SYNDIG1: variants seen among roughly 807,000 people sequenced by gnomAD.
SYNDIG1 encodes synapse differentiation inducing 1, also known as synapse differentiation-inducing gene protein 1.
Under a neutral mutation model 19.4 loss-of-function variants are expected in SYNDIG1, and 9 were observed. The ratio of observed to expected loss-of-function variants is 0.46; its 90% CI spans 0.28 to 0.81. SYNDIG1 has a LOEUF of 0.81. Ranked by LOEUF, SYNDIG1 falls within the 30% of genes least tolerant of loss-of-function variation. SYNDIG1 has a pLI of 0.12. For synonymous variants in SYNDIG1, 141 were observed against 145.9 expected (o/e 0.97, Z 0.24); for missense variants, 311 against 343.3 (o/e 0.91, Z 0.74).
intron 2 of SYNDIG1, among the ~76,000 whole-genome samples, chr20:24,568,141 A>G (rs1332812528): frequency 6.6e-6 from 1 of 151,984 alleles, no homozygotes; most frequent in Non-Finnish European, 1.5e-5. Flanking sequence ...AGTCTGTCTC[A>G]AAAAAAACAC....
intron 3 of SYNDIG1, among the ~76,000 whole-genome samples, chr20:24,653,854 T>G (rs775935275): frequency 3.3e-5 from 5 of 152,208 alleles, no homozygotes; most frequent in African/African-American, 4.8e-5. Flanking sequence ...TCCCTCGGTG[T>G]GGTCTGTGTC....
chr20:24,572,672 A>G (rs1177552888), intron 2 of SYNDIG1, among the ~76,000 whole-genome samples: 1 of 152,174 alleles, frequency 6.6e-6, no homozygotes, highest in African/African-American at 2.4e-5. Context: ...TTAAAGGAAG[A>G]GATACAGTTG....
intron 1 of SYNDIG1, among the ~76,000 whole-genome samples, chr20:24,523,155 C>T (rs2057041982): frequency 6.6e-6 from 1 of 152,202 alleles, no homozygotes; most frequent in Non-Finnish European, 1.5e-5. Flanking sequence ...GTCAGGCTTC[C>T]TGGCTGTGAA....
intron 1 of SYNDIG1, among the ~76,000 whole-genome samples, 200 bp downstream of exon 1, chr20:24,469,953 A>G (rs934220057): frequency 6.6e-6 from 1 of 151,110 alleles, no homozygotes; most frequent in Admixed American, 6.6e-5. Flanking sequence ...CCGCGACGAG[A>G]CTTGGGAGAC....
At chr20:24,563,510 G>A (rs2057984096) in intron 2 of SYNDIG1, among the ~76,000 whole-genome samples, 1 of 152,108 alleles carries the variant, frequency 6.6e-6, no homozygotes, top group East Asian at 1.9e-4. Context: ...ATGACCACAT[G>A]CTGCGTGTTG....
chr20:24,611,025 A>G (rs2058839293), intron 3 of SYNDIG1, among the ~76,000 whole-genome samples: 1 of 152,060 alleles, frequency 6.6e-6, no homozygotes, highest in East Asian at 1.9e-4. Flanking sequence ...GATTCTCTCA[A>G]ATCTGCTCCC....
At chr20:24,657,577 T>C (rs1290090072) in intron 3 of SYNDIG1, among the ~76,000 whole-genome samples, 2 of 152,198 alleles carry the variant, frequency 1.3e-5, no homozygotes, top group African/African-American at 4.8e-5. Flanking sequence ...TTTTTTTTAA[T>C]GGCTTAAAAT....
intron 3 of SYNDIG1, among the ~76,000 whole-genome samples, chr20:24,644,745 T>C (rs534378139): frequency 3.3e-5 from 5 of 152,204 alleles, no homozygotes; most frequent in Non-Finnish European, 7.3e-5. Flanking sequence ...CAGCCCATTC[T>C]CCAGCTGAGT....
chr20:24,653,471 C>T (rs2059493853), intron 3 of SYNDIG1, among the ~76,000 whole-genome samples: 2 of 152,148 alleles, frequency 1.3e-5, no homozygotes, highest in South Asian at 4.1e-4. Context: ...GTTTCTTAAT[C>T]CCAGCAGGAG....
At position 24,602,613 on chromosome 20, in the gene SYNDIG1, A is replaced by C. The variant is rs530724603; in HGVS notation, c.618+17620A>C. On this transcript the variant is annotated intron_variant, in intron 3 of 3. Coordinates refer to ENST00000376862, the MANE Select transcript of SYNDIG1 (RefSeq NM_024893.3). ...TATGGTCAGCAAACATCCCTAGGGA[A>C]TATGTGTCCTCATATGCCTGGTCCA... 5.8e-4 allele frequency among the ~76,000 whole-genome samples: 89 copies of C among 152,322 alleles called. 1 individual carries two copies. Among genetic ancestry groups the C allele is most frequent in the African/African-American group, 2.0e-3 (85 of 41,574 alleles).
chr20:24,530,804 G>GTTT (rs199615273), intron 1 of SYNDIG1, among the ~76,000 whole-genome samples: 14 of 149,248 alleles, frequency 9.4e-5, no homozygotes, highest in African/African-American at 3.0e-4. Context: ...TGTTTTTTGG[G>GTTT]TTTTTTGTTT....
intron 1 of SYNDIG1, among the ~76,000 whole-genome samples, chr20:24,538,961 TGTTGA>T (rs2057414898): frequency 6.6e-6 from 1 of 152,216 alleles, no homozygotes; most frequent in South Asian, 2.1e-4. Flanking sequence ...TATTTTTTGT[TGTTGA>T]GTTTTAACCA....
chr20:24,488,078 G>A (rs189648287), intron 1 of SYNDIG1, among the ~76,000 whole-genome samples: 1 of 152,222 alleles, frequency 6.6e-6, no homozygotes, highest in Non-Finnish European at 1.5e-5. Context: ...CAACTCTTAG[G>A]GTGATTGGTT....
chr20:24,617,545 CAG>C (rs1474477789), intron 3 of SYNDIG1, among the ~76,000 whole-genome samples: 1 of 152,186 alleles, frequency 6.6e-6, no homozygotes, highest in African/African-American at 2.4e-5. Flanking sequence ...TCGACTTTGT[CAG>C]AGTCTCCTCC....
At chr20:24,505,141 T>C (rs1023517328) in intron 1 of SYNDIG1, among the ~76,000 whole-genome samples, 1 of 151,856 alleles carries the variant, frequency 6.6e-6, no homozygotes, top group African/African-American at 2.4e-5. Context: ...GCTAGCTGAG[T>C]GGTCATCGGC....
chr20:24,648,832 C>T lies in SYNDIG1; in HGVS notation c.619-16514C>T, dbSNP rs114152783. Among the ~76,000 whole-genome samples the T allele has an allele frequency of 3.2e-3, 493 of 152,308 alleles. 3 individuals carry two copies. The highest frequency in any genetic ancestry group is 0.011 in the African/African-American group (475 of 41,564). On this transcript the variant is annotated intron_variant, in intron 3 of 3. Transcript: ENST00000376862. ...TGGGATGCTAACAGCTGGTGGAGGC[C>T]GGCGTCTGCAGAGGACACTATTGCT...
At chr20:24,639,531 A>G (rs1352345392) in intron 3 of SYNDIG1, among the ~76,000 whole-genome samples, 1 of 152,210 alleles carries the variant, frequency 6.6e-6, no homozygotes, top group Admixed American at 6.5e-5. Context: ...AGTGTGAGTG[A>G]TGGGGACACT....
intron 2 of SYNDIG1, among the ~76,000 whole-genome samples, chr20:24,582,147 T>C: frequency 1.2e-5 from 1 of 84,958 alleles, no homozygotes; most frequent in African/African-American, 4.7e-5. Context: ...CCTGCTGCAC[T>C]CCCTCCCCAC....
chr20:24,549,911 C>A (rs2057671353), intron 2 of SYNDIG1, among the ~76,000 whole-genome samples: 1 of 152,210 alleles, frequency 6.6e-6, no homozygotes, highest in African/African-American at 2.4e-5. Context: ...CCCAACCAAA[C>A]TCCTCTCGGC....
Sources: gnomAD v4.1 joint callset for allele counts (sites outside exome capture counted in the v4.1 genomes callset) on GRCh38, gnomAD v4.1.1 for gene constraint, MANE v1.5 for transcripts, NCBI Gene and HGNC (gene_info 2026-07-23, HGNC 2026-07-21) for gene names.